RAPGEF5: variants seen among roughly 807,000 people sequenced by gnomAD.
The protein encoded by RAPGEF5 is M-Ras-regulated GEF.
A neutral mutation model predicts 125.2 loss-of-function variants in RAPGEF5; 65 were observed. The ratio of observed to expected loss-of-function variants is 0.52; its 90% CI spans 0.43 to 0.64. The LOEUF (loss-of-function observed/expected upper bound fraction) is 0.64, where lower values mean the gene tolerates loss of function less well. Ranked by LOEUF, RAPGEF5 falls within the 30% of genes least tolerant of loss-of-function variation. The pLI is 0.00. For synonymous variants in RAPGEF5, 391 were observed against 385.9 expected (o/e 1.01, Z -0.16); for missense variants, 958 against 1,048.1 (o/e 0.91, Z 1.19).
In RAPGEF5 at chr7:22,119,348, G is replaced by C. The variant is rs1392738930; in HGVS notation, c.*3058C>G. 1 of 152,150 alleles carries C rather than the reference G, an allele frequency of 6.6e-6. No homozygotes were observed. The highest frequency in any genetic ancestry group is 1.5e-5 in the Non-Finnish European group (1 of 68,038). The allele number at this position is 152,150 out of a possible 1,614,324, so 9.4% of individuals were successfully genotyped here. On this transcript the variant is annotated 3_prime_UTR_variant, in exon 26 of 26. Transcript: ENST00000665637. This position sits in a 1 kb window ranked among gnomAD's most constrained non-coding sequence, Gnocchi z 4.1. ...CCACACTACCTGTTTGTGGTTCTCG[G>C]TCTAGGGAAATGAATTTATTCTAAA...
intron 1 of RAPGEF5, among the ~76,000 whole-genome samples, chr7:22,321,791 C>T (rs1783719257): frequency 6.6e-6 from 1 of 152,146 alleles, no homozygotes; most frequent in Non-Finnish European, 1.5e-5. Context: ...TAAAAAGCCA[C>T]ATAACTAGCA....
chr7:22,219,204 A>G (rs1562767758), intron 9 of RAPGEF5, among the ~76,000 whole-genome samples: 1 of 152,108 alleles, frequency 6.6e-6, no homozygotes, highest in African/African-American at 2.4e-5. Context: ...GGCACAAGAA[A>G]GTGGTCCCAT....
intron 21 of RAPGEF5, among the ~76,000 whole-genome samples, chr7:22,138,043 GCA>G (rs148966394): frequency 6.8e-6 from 1 of 147,770 alleles, no homozygotes; most frequent in Non-Finnish European, 1.5e-5. Flanking sequence ...ACGCACGCAC[GCA>G]CACACACACC....
chr7:22,206,633 T>C (rs1462310199), intron 9 of RAPGEF5, among the ~76,000 whole-genome samples: 1 of 149,554 alleles, frequency 6.7e-6, no homozygotes, highest in Non-Finnish European at 1.5e-5. Flanking sequence ...TGCAGTGAGT[T>C]GTGATTTTTC....
intron 7 of RAPGEF5, among the ~76,000 whole-genome samples, chr7:22,242,580 G>A (rs1270646372): frequency 6.6e-6 from 1 of 152,166 alleles, no homozygotes; most frequent in Non-Finnish European, 1.5e-5. Context: ...TGCATGCCAG[G>A]GAATGAGCGA....
At chr7:22,144,441 T>C (rs1162765386) in intron 20 of RAPGEF5, among the ~76,000 whole-genome samples, 1 of 152,264 alleles carries the variant, frequency 6.6e-6, no homozygotes, top group Non-Finnish European at 1.5e-5. Context: ...GACTGAGGTC[T>C]TGAAGAATGG....
intron 1 of RAPGEF5, among the ~76,000 whole-genome samples, chr7:22,350,459 G>A (rs971317947): frequency 6.6e-6 from 1 of 152,148 alleles, no homozygotes; most frequent in Non-Finnish European, 1.5e-5. Flanking sequence ...TAAGCATCCT[G>A]CCAGGGACAT....
At chr7:22,245,754 C>G (rs1158642727) in intron 7 of RAPGEF5, among the ~76,000 whole-genome samples, 1 of 152,000 alleles carries the variant, frequency 6.6e-6, no homozygotes, top group Non-Finnish European at 1.5e-5. Flanking sequence ...GAAGCCCATG[C>G]CAAGCAATCA....
chr7:22,169,498 A>G (rs1385932228), intron 11 of RAPGEF5, among the ~76,000 whole-genome samples: 1 of 152,162 alleles, frequency 6.6e-6, no homozygotes, highest in Non-Finnish European at 1.5e-5. Context: ...TACAAATTAC[A>G]ACATTTCTCT....
chr7:22,136,936 T>G lies in RAPGEF5; in HGVS notation c.2325A>C (p.Leu775Phe). 2 of 1,582,228 alleles carry G rather than the reference T, an allele frequency of 1.3e-6. No individual in the cohort carries two copies. The highest frequency in any genetic ancestry group is 8.6e-7 in the Non-Finnish European group (1 of 1,157,928). The change falls in exon 22 of 26, where the codon TTA becomes TTC. Residue 775 changes from leucine (L) to phenylalanine (F), a missense_variant. Leu to Phe is a conservative substitution (Grantham distance 22). Coordinates refer to ENST00000665637, the MANE Select transcript of RAPGEF5 (RefSeq NM_012294.5). ...CCCCTTTGGCTCAACTACTTACTGT[T>G]AAACTTTCAAGTTCAGAGAAAAGTT... ...FKKLFSELESLTDPSLNHKAY... is the reference protein window; with the variant it reads ...FKKLFSELESFTDPSLNHKAY...
In RAPGEF5 at chr7:22,328,871, G is replaced by A. The variant is rs534551899; in HGVS notation, c.232-10834C>T. On this transcript the variant is annotated intron_variant, in intron 1 of 25. Transcript: ENST00000665637. ...CAGCTAAGATGAACAACAGGGCAAA[G>A]AGGCCAACAAAAGAGTCACCTGATC... 3.3e-5 allele frequency among the ~76,000 whole-genome samples: 5 copies of A among 152,338 alleles called. No individual in the cohort carries two copies. The East Asian group carries it at 9.7e-4, about 29-fold the overall frequency.
At chr7:22,284,429 G>C (rs554099164) in intron 6 of RAPGEF5, among the ~76,000 whole-genome samples, 1 of 152,258 alleles carries the variant, frequency 6.6e-6, no homozygotes, top group South Asian at 2.1e-4. Context: ...GTTGCTACCA[G>C]AATATGCTAC....
intron 5 of RAPGEF5, among the ~76,000 whole-genome samples, chr7:22,301,000 C>T (rs950751762): frequency 1.3e-5 from 2 of 152,132 alleles, no homozygotes; most frequent in Admixed American, 6.5e-5. Flanking sequence ...TTTGAGGCAA[C>T]GCTGGGAAAT....
intron 9 of RAPGEF5, among the ~76,000 whole-genome samples, chr7:22,197,320 G>C (rs1010638004): frequency 1.3e-5 from 2 of 152,166 alleles, no homozygotes; most frequent in African/African-American, 4.8e-5. Context: ...TCTGAAACAG[G>C]CAGTAGAGAG....
intron 11 of RAPGEF5, among the ~76,000 whole-genome samples, chr7:22,182,337 G>A (rs987101086): frequency 6.6e-6 from 1 of 152,182 alleles, no homozygotes; most frequent in Non-Finnish European, 1.5e-5. Context: ...ACAGTTTCAA[G>A]TAATTTCAGC....
chr7:22,302,932 T>A (rs146782172), intron 5 of RAPGEF5, among the ~76,000 whole-genome samples: 13 of 152,276 alleles, frequency 8.5e-5, no homozygotes, highest in African/African-American at 2.6e-4. Flanking sequence ...AATCACAGCA[T>A]AAATGTTAAC....
At chr7:22,202,542 C>T (rs573173504) in intron 9 of RAPGEF5, among the ~76,000 whole-genome samples, 1 of 152,280 alleles carries the variant, frequency 6.6e-6, no homozygotes, top group East Asian at 1.9e-4. Context: ...CCCTGCCACC[C>T]CAACAACAGT....
intron 9 of RAPGEF5, among the ~76,000 whole-genome samples, chr7:22,209,482 G>A (rs1223147182): frequency 6.6e-6 from 1 of 152,148 alleles, no homozygotes; most frequent in Non-Finnish European, 1.5e-5. Flanking sequence ...TTATTAGAGA[G>A]GAAAGTATTA....
intron 11 of RAPGEF5, among the ~76,000 whole-genome samples, chr7:22,179,595 C>T: frequency 6.6e-6 from 1 of 152,100 alleles, no homozygotes; most frequent in Non-Finnish European, 1.5e-5. Flanking sequence ...GTTAAGGCAT[C>T]CTAAACCACA....
Sources: gnomAD v4.1 joint callset for allele counts (sites outside exome capture counted in the v4.1 genomes callset) on GRCh38, gnomAD v4.1.1 for gene constraint, Gnocchi (gnomAD v3.1) non-coding constraint, MANE v1.5 for transcripts, NCBI Gene and HGNC (gene_info 2026-07-23, HGNC 2026-07-21) for gene names.